Variants in OPCML observed in about 807,000 individuals in gnomAD.
OPCML encodes opioid-binding protein/cell adhesion molecule.
In OPCML, 13 loss-of-function variants were observed where a neutral mutation model predicts 37.8. That is an observed-to-expected ratio of 0.34 (90% CI 0.22 to 0.55). The LOEUF (loss-of-function observed/expected upper bound fraction) is 0.55, where lower values mean the gene tolerates loss of function less well. Ranked by LOEUF, OPCML falls within the 20% of genes least tolerant of loss-of-function variation. The pLI, the probability that OPCML is intolerant of heterozygous loss-of-function variation, is 0.91. For synonymous variants in OPCML, 176 were observed against 168.8 expected (o/e 1.04, Z -0.33); for missense variants, 341 against 435.6 (o/e 0.78, Z 1.93).
chr11:133,041,392 G>A (rs972500044), intron 1 of OPCML, among the ~76,000 whole-genome samples: 1 of 152,176 alleles, frequency 6.6e-6, no homozygotes, highest in Non-Finnish European at 1.5e-5. Flanking sequence ...GCTGGGAGCT[G>A]CCTCTCAATG....
At chr11:133,087,810 G>T (rs530046997) in intron 1 of OPCML, among the ~76,000 whole-genome samples, 2 of 152,132 alleles carry the variant, frequency 1.3e-5, no homozygotes, top group African/African-American at 4.8e-5. Flanking sequence ...GCTCTTTCCC[G>T]CACTGGCTAG....
Position 133,153,253 on chromosome 11 carries a change from T to C in OPCML, c.62-210243A>G, listed in dbSNP as rs568078020. Among the ~76,000 whole-genome samples, 4 of 152,134 alleles carry C rather than the reference T, an allele frequency of 2.6e-5. No individual in the cohort carries two copies. In the South Asian group the frequency reaches 6.2e-4, roughly 24 times the overall value. ...TCTCGGAAGATGGGGGAGGTGGAAG[T>C]CCGTTTCCTGTCAGCTCCGGCATGA... On this transcript the variant is annotated intron_variant, in intron 1 of 7. Transcript: ENST00000524381.
chr11:132,628,341 G>C (rs1565725006), intron 3 of OPCML, among the ~76,000 whole-genome samples: 2 of 152,110 alleles, frequency 1.3e-5, no homozygotes, highest in Non-Finnish European at 2.9e-5. Context: ...TATGAAAAAA[G>C]CATTTTTCAA....
At chr11:133,200,474 C>T (rs1938726180) in intron 1 of OPCML, among the ~76,000 whole-genome samples, 1 of 152,140 alleles carries the variant, frequency 6.6e-6, no homozygotes, top group Admixed American at 6.5e-5. Flanking sequence ...TCAGCAATCT[C>T]ATTCTTTTAG....
At chr11:133,178,414 C>T (rs1225329455) in intron 1 of OPCML, among the ~76,000 whole-genome samples, 2 of 151,994 alleles carry the variant, frequency 1.3e-5, no homozygotes, top group African/African-American at 4.8e-5. Context: ...CTTCTGCGAT[C>T]TGGAAGGTCA....
intron 1 of OPCML, chr11:133,004,816 CT>C: frequency 1.0e-6 from 1 of 985,448 alleles, no homozygotes; most frequent in Non-Finnish European, 1.2e-6. Context: ...TAACCTGCCC[CT>C]CTCCATCTAC....
At chr11:132,668,976 A>C (rs2135809979) in intron 2 of OPCML, among the ~76,000 whole-genome samples, 1 of 152,014 alleles carries the variant, frequency 6.6e-6, no homozygotes, top group African/African-American at 2.4e-5. Context: ...TTAACTTTTT[A>C]TTTTGATCAG....
chr11:133,280,380 C>T (rs1384443703), intron 1 of OPCML, among the ~76,000 whole-genome samples: 2 of 152,168 alleles, frequency 1.3e-5, no homozygotes, highest in African/African-American at 4.8e-5. Flanking sequence ...AATTATTCTT[C>T]ACCTCTGGCA....
At chr11:133,328,035 C>T (rs1003337172) in intron 1 of OPCML, among the ~76,000 whole-genome samples, 3 of 152,108 alleles carry the variant, frequency 2.0e-5, no homozygotes, top group Non-Finnish European at 4.4e-5. Context: ...TACTAAAAAC[C>T]TAGGCACTCA....
intron 1 of OPCML, among the ~76,000 whole-genome samples, chr11:133,214,933 A>G (rs902756728): frequency 1.3e-5 from 2 of 152,180 alleles, no homozygotes; most frequent in South Asian, 4.1e-4. Context: ...CTCGTTGGGC[A>G]CCCAGAGCAT....
intron 4 of OPCML, among the ~76,000 whole-genome samples, chr11:132,484,518 C>A (rs1309942058): frequency 6.6e-6 from 1 of 152,186 alleles, no homozygotes; most frequent in Non-Finnish European, 1.5e-5. Context: ...GGCAATTCCT[C>A]AGGGATCTAG....
rs114734001 is a variant in OPCML at position 132,989,798 on chromosome 11, A to G, written c.62-46788T>C. On this transcript the variant is annotated intron_variant, in intron 1 of 7. Coordinates refer to ENST00000524381, the MANE Select transcript of OPCML (RefSeq NM_001012393.5). The stretch of plus-strand genomic sequence containing the variant: ...TGTGCACCTGAGATTCATTTAAAAA[A>G]TAAAAACATTTGAACTATCAAACAT... Among the ~76,000 whole-genome samples, 486 of 152,348 alleles carry G rather than the reference A, an allele frequency of 3.2e-3. 3 individuals carry two copies. The highest frequency in any genetic ancestry group is 0.011 in the African/African-American group (468 of 41,584).
chr11:132,630,344 G>A (rs565553804), intron 3 of OPCML, among the ~76,000 whole-genome samples: 1 of 152,164 alleles, frequency 6.6e-6, no homozygotes, highest in African/African-American at 2.4e-5. Context: ...GCGGTCACGA[G>A]GTCAAGAGAT....
At chr11:133,170,205 G>A (rs761046969) in intron 1 of OPCML, among the ~76,000 whole-genome samples, 2 of 152,164 alleles carry the variant, frequency 1.3e-5, no homozygotes, top group South Asian at 2.1e-4. Context: ...AACTGGGCAC[G>A]GTGGCTCACG....
chr11:132,879,045 A>T (rs1255070503), intron 2 of OPCML, among the ~76,000 whole-genome samples: 2 of 152,256 alleles, frequency 1.3e-5, no homozygotes, highest in African/African-American at 4.8e-5. Flanking sequence ...AACATTTTTC[A>T]GTATGTCCTG....
intron 1 of OPCML, among the ~76,000 whole-genome samples, chr11:133,458,504 G>A (rs1330002115): frequency 1.9e-5 from 2 of 107,398 alleles, no homozygotes; most frequent in African/African-American, 8.7e-5. Flanking sequence ...ACGTGTGTGT[G>A]TATATACACA....
intron 7 of OPCML, among the ~76,000 whole-genome samples, chr11:132,434,469 T>C (rs2096006876): frequency 6.6e-6 from 1 of 152,162 alleles, no homozygotes; most frequent in Non-Finnish European, 1.5e-5. Flanking sequence ...TTCTCTTTGC[T>C]GACGCTGTGG....
chr11:133,240,605 T>C (rs539117396), intron 1 of OPCML, among the ~76,000 whole-genome samples: 1 of 152,336 alleles, frequency 6.6e-6, no homozygotes, highest in East Asian at 1.9e-4. Context: ...TCAAATAACA[T>C]AAAGAATGCT....
intron 3 of OPCML, among the ~76,000 whole-genome samples, chr11:132,575,063 T>G (rs2096447232): frequency 6.6e-6 from 1 of 152,064 alleles, no homozygotes; most frequent in African/African-American, 2.4e-5. Context: ...CTCATGTAAG[T>G]ATAACCACTC....
Sources: allele counts gnomAD v4.1 joint callset (sites outside exome capture counted in the v4.1 genomes callset), GRCh38; gene constraint gnomAD v4.1.1; transcripts MANE v1.5; gene names NCBI Gene and HGNC (gene_info 2026-07-23, HGNC 2026-07-21).